The following TXNDC8 variants were observed in gnomAD, a reference collection of about 807,000 sequenced individuals.
TXNDC8 encodes the protein thioredoxin domain containing 8.
Under a neutral mutation model 12.9 loss-of-function variants are expected in TXNDC8, and 15 were observed. The observed-to-expected ratio is 1.16, with a 90% confidence interval of 0.78 to 1.79. The LOEUF is 1.79. TXNDC8 is among the 40% of genes most tolerant of loss of function. The pLI is 0.00. For missense variants in TXNDC8, 128 were observed against 113.2 expected (o/e 1.13, Z -0.59); for synonymous variants, 40 against 35.4 (o/e 1.13, Z -0.46).
chr9:110,310,064 T>C (rs1351630142), intron 3 of TXNDC8, among the ~76,000 whole-genome samples: 1 of 152,164 alleles, frequency 6.6e-6, no homozygotes, highest in Non-Finnish European at 1.5e-5. Flanking sequence ...CCATAGGTTT[T>C]ATGGCACCTC....
chr9:110,308,867 C>A lies in TXNDC8; in HGVS notation c.196-4335G>T, dbSNP rs545503411. ...GAGTTTCAAGAGTCATGGGCAGATT[C>A]TTCTTAGGTCTAAAGCTCTATTTTC... is the stretch of plus-strand genomic sequence containing the variant. On this transcript the variant is annotated intron_variant, in intron 3 of 4. Transcript: ENST00000423740. 5.2e-4 allele frequency among the ~76,000 whole-genome samples: 79 copies of A among 152,282 alleles called. 1 individual carries two copies. In the South Asian group the frequency reaches 5.6e-3, roughly 11 times the overall value.
chr9:110,312,643 C>T (rs1472563459), intron 3 of TXNDC8, among the ~76,000 whole-genome samples: 1 of 152,170 alleles, frequency 6.6e-6, no homozygotes, highest in Non-Finnish European at 1.5e-5. Context: ...AACGAAGTTC[C>T]ATCAAAGTCA....
At chr9:110,314,581 C>A (rs1043350958) in intron 3 of TXNDC8, among the ~76,000 whole-genome samples, 1 of 151,684 alleles carries the variant, frequency 6.6e-6, no homozygotes, top group Non-Finnish European at 1.5e-5. Flanking sequence ...TACAGGCGCC[C>A]GCCACCCCGT....
rs745576553 is a variant in TXNDC8 at position 110,334,336 on chromosome 9, A to G, written c.25-16T>C. On this transcript the variant is annotated splice_polypyrimidine_tract_variant and intron_variant, in intron 1 of 4. Coordinates refer to ENST00000423740, the MANE Select transcript of TXNDC8 (RefSeq NM_001286946.2). Reference sequence around the variant, plus strand: ...TAAATTCATTCTGAAAACAGAAAATAAATGAGGAAATGTGCATAATCACTG... The same window carrying G: ...TAAATTCATTCTGAAAACAGAAAATGAATGAGGAAATGTGCATAATCACTG... 1.9e-6 allele frequency: 3 copies of G among 1,576,566 alleles called. No individual in the cohort carries two copies. The South Asian group carries it at 3.3e-5, about 18-fold the overall frequency.
intron 3 of TXNDC8, chr9:110,323,659 C>T: frequency 1.1e-5 from 5 of 456,234 alleles, no homozygotes; most frequent in Non-Finnish European, 1.7e-5. Context: ...GAAACCAACC[C>T]AGAGTTTACA....
intron 3 of TXNDC8, among the ~76,000 whole-genome samples, chr9:110,309,809 C>A (rs1466591708): frequency 6.6e-6 from 1 of 151,954 alleles, no homozygotes; most frequent in African/African-American, 2.4e-5. Flanking sequence ...CACATCAATT[C>A]ATCACACAAA....
rs200432114 is a variant in TXNDC8, at chr9:110,322,197, T to A, written c.195+3978A>T. 5.0e-5 allele frequency among the ~76,000 whole-genome samples: 7 copies of A among 141,340 alleles called. 2 individuals are homozygous for A. The South Asian group carries it at 9.2e-4, about 19-fold the overall frequency. 92.7% of individuals were successfully genotyped at this position (141,340 alleles called of 152,430 possible). ...AAATGGTCTCAAGTTTTTTTTTTTT[T>A]AAATTCATAACCAGGATGCTAAGTT... On this transcript the variant is annotated intron_variant, in intron 3 of 4. Transcript: ENST00000423740.
At chr9:110,336,112 C>T (rs573508243) in intron 1 of TXNDC8, among the ~76,000 whole-genome samples, 2 of 152,346 alleles carry the variant, frequency 1.3e-5, no homozygotes, top group South Asian at 4.2e-4. Flanking sequence ...GCCCCTCCTT[C>T]GCCTTCACCA....
At chr9:110,308,805 C>A (rs901499940) in intron 3 of TXNDC8, among the ~76,000 whole-genome samples, 3 of 152,224 alleles carry the variant, frequency 2.0e-5, no homozygotes, top group Admixed American at 2.0e-4. Flanking sequence ...AGCAAAGGTG[C>A]CACTCACCCC....
intron 3 of TXNDC8, among the ~76,000 whole-genome samples, chr9:110,325,157 A>G (rs1465256256): frequency 1.3e-5 from 2 of 152,130 alleles, no homozygotes; most frequent in African/African-American, 4.8e-5. Flanking sequence ...TACTAGTTTC[A>G]TAACTTGCTG....
chr9:110,335,758 A>C (rs1839726764), intron 1 of TXNDC8, among the ~76,000 whole-genome samples: 2 of 152,190 alleles, frequency 1.3e-5, no homozygotes, highest in South Asian at 4.1e-4. Context: ...CCCTAATTGC[A>C]TTGTGTGCTT....
intron 3 of TXNDC8, among the ~76,000 whole-genome samples, chr9:110,315,401 G>A (rs766769091): frequency 5.9e-5 from 9 of 151,816 alleles, no homozygotes; most frequent in Admixed American, 2.6e-4. Flanking sequence ...CCCAGCCCGG[G>A]GCAATTTTTT....
chr9:110,320,928 T>C (rs1257760412), intron 3 of TXNDC8, among the ~76,000 whole-genome samples: 2 of 152,192 alleles, frequency 1.3e-5, no homozygotes, highest in South Asian at 4.1e-4. Flanking sequence ...GGAATTTGCT[T>C]AGGCTCTTCT....
At chr9:110,320,643 T>C (rs902928643) in intron 3 of TXNDC8, among the ~76,000 whole-genome samples, 19 of 152,254 alleles carry the variant, frequency 1.2e-4, no homozygotes, top group Non-Finnish European at 5.9e-5. Flanking sequence ...TTTTAGTTTA[T>C]GTGCCTATGT....
intron 2 of TXNDC8, among the ~76,000 whole-genome samples, chr9:110,327,386 G>A (rs1440458705): frequency 5.3e-5 from 8 of 151,404 alleles, no homozygotes; most frequent in South Asian, 4.2e-4. Flanking sequence ...GCAATGGTGC[G>A]ATCTGGGCTC....
intron 2 of TXNDC8, 76 bp from the exon 4 acceptor site, chr9:110,326,316 T>A (rs752600180): frequency 8.8e-6 from 13 of 1,485,116 alleles, no homozygotes; most frequent in Non-Finnish European, 1.2e-5. Flanking sequence ...ATTTGGTAAC[T>A]TTTTAGGAGG....
At chr9:110,308,172 G>T (rs1371282101) in intron 3 of TXNDC8, among the ~76,000 whole-genome samples, 3 of 152,150 alleles carry the variant, frequency 2.0e-5, no homozygotes, top group African/African-American at 4.8e-5. Context: ...AATCTCCCAA[G>T]ATTTGGTCAA....
intron 1 of TXNDC8, among the ~76,000 whole-genome samples, chr9:110,335,310 C>T (rs1210919582): frequency 6.6e-6 from 1 of 152,086 alleles, no homozygotes; most frequent in Non-Finnish European, 1.5e-5. Flanking sequence ...GATCTCAGCT[C>T]ACTGCAGACT....
chr9:110,310,252 A>C (rs1838615345), intron 3 of TXNDC8, among the ~76,000 whole-genome samples: 1 of 151,804 alleles, frequency 6.6e-6, no homozygotes, highest in Non-Finnish European at 1.5e-5. Context: ...AGGCCTTTAT[A>C]ATTTCTATAA....
Sources: gnomAD v4.1 joint callset for allele counts (sites outside exome capture counted in the v4.1 genomes callset) on GRCh38, gnomAD v4.1.1 for gene constraint, MANE v1.5 for transcripts, NCBI Gene and HGNC (gene_info 2026-07-23, HGNC 2026-07-21) for gene names.